The following TUBB2B variants were observed in gnomAD, a reference collection of about 807,000 sequenced individuals.
TUBB2B encodes tubulin beta 2B class IIb.
Under a neutral mutation model 35.0 loss-of-function variants are expected in TUBB2B, and 5 were observed. The observed-to-expected ratio is 0.14, with a 90% CI of 0.07 to 0.30. The LOEUF (loss-of-function observed/expected upper bound fraction) is 0.30, where lower values mean the gene tolerates loss of function less well. TUBB2B is among the 10% of genes least tolerant of loss of function. The pLI is 1.00. For synonymous variants in TUBB2B, 166 were observed against 250.5 expected (o/e 0.66, Z 3.18); for missense variants, 63 against 601.8 (o/e 0.10, Z 9.37).
Position 3,227,626 on chromosome 6 carries a change from G to A in TUBB2B, c.-83C>T, listed in dbSNP as rs1337064972. Reference sequence around the variant, plus strand: ...CACACACCCACTGCGGGGTCACCGGGAAGGCGCTCGGGAACCGACGGGCTG... The same window carrying A: ...CACACACCCACTGCGGGGTCACCGGAAAGGCGCTCGGGAACCGACGGGCTG... On this transcript the variant is annotated 5_prime_UTR_variant, in exon 1 of 4. Transcript: ENST00000259818. The surrounding 1 kb of genome is among the most constrained non-coding windows in gnomAD (Gnocchi z 7.8). The A allele has an allele frequency of 1.9e-6, 3 of 1,570,138 alleles. No homozygotes were observed. Among genetic ancestry groups the A allele is most frequent in the Non-Finnish European group, 1.7e-6 (2 of 1,158,474 alleles).
Position 3,227,462 on chromosome 6 carries a change from AC to A in TUBB2B, c.57+24del, listed in dbSNP as rs1166114069. ...CGGCCCAGGTTCGCGCCCCCATTGG[AC>A]CCCCTCCGCTGCGGCGCGCCCACCT... On this transcript the variant is annotated intron_variant, in intron 1 of 3. Coordinates refer to ENST00000259818, the MANE Select transcript of TUBB2B (RefSeq NM_178012.5). This position sits in a 1 kb window ranked among gnomAD's most constrained non-coding sequence, Gnocchi z 7.8. 2 of 1,603,026 alleles carry A rather than the reference AC, an allele frequency of 1.2e-6. No individual in the cohort carries two copies. The highest frequency in any genetic ancestry group is 1.7e-6 in the Non-Finnish European group (2 of 1,179,114).
Position 3,226,033 on chromosome 6 carries a change from T to C in TUBB2B, c.277+126A>G, listed in dbSNP as rs1477494898. On this transcript the variant is annotated intron_variant, in intron 3 of 3. Transcript: ENST00000259818. The surrounding 1 kb of genome is among the most constrained non-coding windows in gnomAD (Gnocchi z 5.5). ...CTGAAAGGCAAACAATTTTACACTA[T>C]ATTAAAGCTAAGTTGGCACACCGCG... The C allele has an allele frequency of 1.5e-6, 2 of 1,320,992 alleles. No individual in the cohort carries two copies. Among genetic ancestry groups the C allele is most frequent in the Non-Finnish European group, 2.1e-6 (2 of 933,336 alleles). The allele number at this position is 1,320,992 out of a possible 1,614,324, so 81.8% of individuals were successfully genotyped here. A position where few individuals can be genotyped will look rare whatever the true frequency, so the allele number is the denominator to read the frequency against.
Position 3,226,391 on chromosome 6 carries a change from A to G in TUBB2B, c.167-122T>C. 9.3e-7 allele frequency: 1 copy of G among 1,078,720 alleles called. No homozygotes were observed. The highest frequency in any genetic ancestry group is 1.3e-5 in the South Asian group (1 of 76,780). 66.8% of individuals were successfully genotyped at this position (1,078,720 alleles called of 1,614,324 possible). ...AGGGAGACCCACCATCAGGTTCTCA[A>G]AGGGCTCTGTTGGCATAAGGAAGCC... On this transcript the variant is annotated intron_variant, in intron 2 of 3. Coordinates refer to ENST00000259818, the MANE Select transcript of TUBB2B (RefSeq NM_178012.5). This position sits in a 1 kb window ranked among gnomAD's most constrained non-coding sequence, Gnocchi z 5.5.
Position 3,226,491 on chromosome 6 carries a change from G to A in TUBB2B, c.166+70C>T, listed in dbSNP as rs1757289271. ...CCCTCTCCCAGGGCCACACCCCTGG[G>A]GTCCCACGCAAGGGAAAGGGGAGAA... On this transcript the variant is annotated intron_variant, in intron 2 of 3. Transcript: ENST00000259818. This position sits in a 1 kb window ranked among gnomAD's most constrained non-coding sequence, Gnocchi z 5.5. 1.4e-6 allele frequency: 2 copies of A among 1,409,286 alleles called. No homozygotes were observed. The highest frequency in any genetic ancestry group is 2.8e-5 in the African/African-American group (2 of 71,012). 87.3% of individuals were successfully genotyped at this position (1,409,286 alleles called of 1,614,324 possible).
At position 3,224,465 on chromosome 6, in the gene TUBB2B, A is replaced by G; in HGVS notation, c.*286T>C. ...AAAGTTACATTTAAATCGTTAATAA[A>G]GAGAAAAAGGAAGAGAAAGAGAGGA... is the stretch of plus-strand genomic sequence containing the variant. On this transcript the variant is annotated 3_prime_UTR_variant, in exon 4 of 4. Transcript: ENST00000259818. The G allele has an allele frequency of 8.9e-6, 5 of 563,586 alleles. No individual in the cohort carries two copies. Among genetic ancestry groups the G allele is most frequent in the Admixed American group, 3.3e-5 (1 of 30,144 alleles). 34.9% of individuals were successfully genotyped at this position (563,586 alleles called of 1,614,324 possible).
At position 3,224,515 on chromosome 6, in the gene TUBB2B, G is replaced by A; in HGVS notation, c.*236C>T. The A allele has an allele frequency of 1.6e-6, 1 of 635,844 alleles. No individual in the cohort carries two copies. Among genetic ancestry groups the A allele is most frequent in the Non-Finnish European group, 2.7e-6 (1 of 373,284 alleles). 39.4% of individuals were successfully genotyped at this position (635,844 alleles called of 1,614,324 possible). A position where few individuals can be genotyped will look rare whatever the true frequency, so the allele number is the denominator to read the frequency against. ...ACACCATTCCGACACAAACGTTTATGTGATTTTAGCCATTACAACAGTAAT... is the reference window on the plus strand; with the variant it reads ...ACACCATTCCGACACAAACGTTTATATGATTTTAGCCATTACAACAGTAAT... On this transcript the variant is annotated 3_prime_UTR_variant, in exon 4 of 4. Coordinates refer to ENST00000259818, the MANE Select transcript of TUBB2B (RefSeq NM_178012.5).
Position 3,227,617 on chromosome 6 carries a change from G to C in TUBB2B, c.-74C>G. The C allele has an allele frequency of 6.3e-7, 1 of 1,586,702 alleles. No individual in the cohort carries two copies. The highest frequency in any genetic ancestry group is 2.3e-5 in the East Asian group (1 of 43,620). The stretch of plus-strand genomic sequence containing the variant: ...TCCTCCCCTCACACACCCACTGCGG[G>C]GTCACCGGGAAGGCGCTCGGGAACC... On this transcript the variant is annotated 5_prime_UTR_variant, in exon 1 of 4. Coordinates refer to ENST00000259818, the MANE Select transcript of TUBB2B (RefSeq NM_178012.5). This position sits in a 1 kb window ranked among gnomAD's most constrained non-coding sequence, Gnocchi z 7.8.
In TUBB2B at chr6:3,224,694, G is replaced by GC. The variant is rs1300040142; in HGVS notation, c.*56dup. ...CACTGCCAGGTTATCGTCCCGGGAA[G>GC]CCCCCCACCCCCTCGCTTTCCTCCT... is the stretch of plus-strand genomic sequence containing the variant. On this transcript the variant is annotated 3_prime_UTR_variant, in exon 4 of 4. Transcript: ENST00000259818. The GC allele has an allele frequency of 6.2e-7, 1 of 1,605,936 alleles. No individual in the cohort carries two copies. The highest frequency in any genetic ancestry group is 8.5e-7 in the Non-Finnish European group (1 of 1,174,830).
rs192338923 is a variant in TUBB2B, at chr6:3,226,897, G to C, written c.58-228C>G. ...CTGCCGCTCGCGGGGGGAGGTAGGG[G>C]TCGAGGGGGTAAGGACCAGCCAAAG... On this transcript the variant is annotated intron_variant, in intron 1 of 3. Transcript: ENST00000259818. This position sits in a 1 kb window ranked among gnomAD's most constrained non-coding sequence, Gnocchi z 5.5. 6.6e-6 allele frequency among the ~76,000 whole-genome samples: 1 copy of C among 152,194 alleles called. No homozygotes were observed. The highest frequency in any genetic ancestry group is 2.4e-5 in the African/African-American group (1 of 41,468).
At position 3,224,402 on chromosome 6, in the gene TUBB2B, C is replaced by T. The variant is rs1757244911; in HGVS notation, c.*349G>A. Reference sequence around the variant, plus strand: ...ATTTGAGCTTTTACCTACGCCTTTGCTTTTTGTTAAAGGAAGAATTCAATG... The same window carrying T: ...ATTTGAGCTTTTACCTACGCCTTTGTTTTTTGTTAAAGGAAGAATTCAATG... On this transcript the variant is annotated 3_prime_UTR_variant, in exon 4 of 4. Transcript: ENST00000259818. The T allele has an allele frequency of 2.6e-6, 1 of 377,648 alleles. No individual in the cohort carries two copies. Among genetic ancestry groups the T allele is most frequent in the Non-Finnish European group, 4.8e-6 (1 of 209,418 alleles). The allele number at this position is 377,648 out of a possible 1,614,324, so 23.4% of individuals were successfully genotyped here. A position where few individuals can be genotyped will look rare whatever the true frequency, so the allele number is the denominator to read the frequency against.
chr6:3,227,336 TAG>T lies in TUBB2B; in HGVS notation c.57+149_57+150del. ...CCCTCCGTCCGCGAAAGTCACCTCC[TAG>T]CCCAGGCCACACTCGGCGGCACAAA... is the stretch of plus-strand genomic sequence containing the variant. On this transcript the variant is annotated intron_variant, in intron 1 of 3. Transcript: ENST00000259818. The surrounding 1 kb of genome is among the most constrained non-coding windows in gnomAD (Gnocchi z 7.8). 1.9e-6 allele frequency: 2 copies of T among 1,037,982 alleles called. No individual in the cohort carries two copies. Among genetic ancestry groups the T allele is most frequent in the Non-Finnish European group, 2.8e-6 (2 of 720,572 alleles). The allele number at this position is 1,037,982 out of a possible 1,614,324, so 64.3% of individuals were successfully genotyped here.
Position 3,226,384 on chromosome 6 carries a change from G to C in TUBB2B, c.167-115C>G. The stretch of plus-strand genomic sequence containing the variant: ...CAAACAAAGGGAGACCCACCATCAG[G>C]TTCTCAAAGGGCTCTGTTGGCATAA... On this transcript the variant is annotated intron_variant, in intron 2 of 3. Coordinates refer to ENST00000259818, the MANE Select transcript of TUBB2B (RefSeq NM_178012.5). The surrounding 1 kb of genome is among the most constrained non-coding windows in gnomAD (Gnocchi z 5.5). The C allele has an allele frequency of 9.2e-7, 1 of 1,083,080 alleles. No individual in the cohort carries two copies. The highest frequency in any genetic ancestry group is 1.4e-6 in the Non-Finnish European group (1 of 713,252). 67.1% of individuals were successfully genotyped at this position (1,083,080 alleles called of 1,614,324 possible).
rs1161131241 is a variant in TUBB2B at position 3,227,636 on chromosome 6, G to A, written c.-93C>T. 26 of 1,538,790 alleles carry A rather than the reference G, an allele frequency of 1.7e-5. No individual in the cohort carries two copies. The highest frequency in any genetic ancestry group is 2.3e-5 in the Non-Finnish European group (26 of 1,136,264). ...CTGCGGGGTCACCGGGAAGGCGCTC[G>A]GGAACCGACGGGCTGAGAGCGCCGG... On this transcript the variant is annotated 5_prime_UTR_variant, in exon 1 of 4. Coordinates refer to ENST00000259818, the MANE Select transcript of TUBB2B (RefSeq NM_178012.5). This position sits in a 1 kb window ranked among gnomAD's most constrained non-coding sequence, Gnocchi z 7.8.
chr6:3,225,863 T>G, intron 3 of TUBB2B, 52 bp from the exon 4 acceptor site: 1 of 1,610,048 alleles, frequency 6.2e-7, no homozygotes, highest in Non-Finnish European at 8.5e-7. Context: ...ACTAAATACC[T>G]TACCTCAAAC....
chr6:3,227,383 T>C lies in TUBB2B; in HGVS notation c.57+104A>G. ...CACAAAGCGGCCAGGAAGGTCTGCA[T>C]TTGGCGATCCCCAGGCCTTCCCAGG... On this transcript the variant is annotated intron_variant, in intron 1 of 3. Transcript: ENST00000259818. The surrounding 1 kb of genome is among the most constrained non-coding windows in gnomAD (Gnocchi z 7.8). 2 of 1,481,788 alleles carry C rather than the reference T, an allele frequency of 1.3e-6. No homozygotes were observed. Among genetic ancestry groups the C allele is most frequent in the Non-Finnish European group, 9.1e-7 (1 of 1,093,744 alleles). 91.8% of individuals were successfully genotyped at this position (1,481,788 alleles called of 1,614,324 possible). A position where few individuals can be genotyped will look rare whatever the true frequency, so the allele number is the denominator to read the frequency against.
rs778850104 is a variant in TUBB2B, at chr6:3,227,496, G to A, written c.48C>T (p.Ile16=). The change falls in exon 1 of 4, where the codon ATC becomes ATT. Residue 16 remains isoleucine, a synonymous_variant. Transcript: ENST00000259818. This position sits in a 1 kb window ranked among gnomAD's most constrained non-coding sequence, Gnocchi z 7.8. ...GCTGCGGCGCGCCCACCTTGGCGCC[G>A]ATCTGGTTGCCGCACTGGCCCGCCT... The part of the protein sequence containing the change: ...HIQAGQCGNQ[I]GAKFWEVISD... 1.9e-6 allele frequency: 3 copies of A among 1,609,072 alleles called. No homozygotes were observed. Among genetic ancestry groups the A allele is most frequent in the Non-Finnish European group, 8.5e-7 (1 of 1,179,724 alleles).
Position 3,227,353 on chromosome 6 carries a change from G to A in TUBB2B, c.57+134C>T. ...TCACCTCCTAGCCCAGGCCACACTC[G>A]GCGGCACAAAGCGGCCAGGAAGGTC... On this transcript the variant is annotated intron_variant, in intron 1 of 3. Coordinates refer to ENST00000259818, the MANE Select transcript of TUBB2B (RefSeq NM_178012.5). This position sits in a 1 kb window ranked among gnomAD's most constrained non-coding sequence, Gnocchi z 7.8. 8.3e-7 allele frequency: 1 copy of A among 1,199,176 alleles called. No homozygotes were observed. The highest frequency in any genetic ancestry group is 1.2e-6 in the Non-Finnish European group (1 of 857,900). 74.3% of individuals were successfully genotyped at this position (1,199,176 alleles called of 1,614,324 possible).
At position 3,224,660 on chromosome 6, in the gene TUBB2B, C is replaced by T; in HGVS notation, c.*91G>A. 6.4e-7 allele frequency: 1 copy of T among 1,573,746 alleles called. No homozygotes were observed. The highest frequency in any genetic ancestry group is 8.6e-7 in the Non-Finnish European group (1 of 1,157,782). The stretch of plus-strand genomic sequence containing the variant: ...CGCACACCTAAAGTAGACCATGCTT[C>T]TTTCCTTCCACTGCCAGGTTATCGT... On this transcript the variant is annotated 3_prime_UTR_variant, in exon 4 of 4. Coordinates refer to ENST00000259818, the MANE Select transcript of TUBB2B (RefSeq NM_178012.5).
rs117433378 is a variant in TUBB2B at position 3,226,832 on chromosome 6, G to A, written c.58-163C>T. ...ACAGCCGCGGGGCTTGTATTTTGCA[G>A]GTTCAGAAAGTTGAAACTGGGCGTT... On this transcript the variant is annotated intron_variant, in intron 1 of 3. Coordinates refer to ENST00000259818, the MANE Select transcript of TUBB2B (RefSeq NM_178012.5). This position sits in a 1 kb window ranked among gnomAD's most constrained non-coding sequence, Gnocchi z 5.5. Among the ~76,000 whole-genome samples, 81 of 152,258 alleles carry A rather than the reference G, an allele frequency of 5.3e-4. No individual in the cohort carries two copies. In the East Asian group the frequency reaches 0.015, roughly 29 times the overall value.
Sources: allele counts gnomAD v4.1 joint callset (sites outside exome capture counted in the v4.1 genomes callset), GRCh38; gene constraint gnomAD v4.1.1; non-coding constraint Gnocchi (gnomAD v3.1); transcripts MANE v1.5; gene names NCBI Gene and HGNC (gene_info 2026-07-23, HGNC 2026-07-21).